The following LRRTM4 variants were observed in gnomAD, a reference collection of about 807,000 sequenced individuals.
LRRTM4 encodes the protein leucine-rich repeat transmembrane neuronal protein 4.
In LRRTM4, 25 loss-of-function variants were observed where a neutral mutation model predicts 47.6. The observed-to-expected ratio is 0.53, with a 90% CI of 0.38 to 0.73. LRRTM4 has a LOEUF of 0.73. LRRTM4 is among the 30% of genes least tolerant of loss of function. LRRTM4 has a pLI of 0.00. For missense variants in LRRTM4, 638 were observed against 713.4 expected, an observed-to-expected ratio of 0.89 and a Z score of 1.20; for synonymous variants, 311 against 269.5, an observed-to-expected ratio of 1.15 and a Z score of -1.51.
intron 3 of LRRTM4, among the ~76,000 whole-genome samples, chr2:76,968,930 A>C (rs1025486362): frequency 1.3e-5 from 2 of 151,850 alleles, no homozygotes; most frequent in African/African-American, 4.8e-5. Flanking sequence ...GTCAGTGCCT[A>C]GGGATTTGTC....
chr2:77,472,349 C>T (rs1322589090), intron 3 of LRRTM4, among the ~76,000 whole-genome samples: 1 of 152,078 alleles, frequency 6.6e-6, no homozygotes, highest in Non-Finnish European at 1.5e-5. Context: ...AACAGAAACA[C>T]ATGGAAAGAA....
chr2:76,983,028 GAC>G (rs1676666617), intron 3 of LRRTM4, among the ~76,000 whole-genome samples: 2 of 151,362 alleles, frequency 1.3e-5, no homozygotes, highest in Non-Finnish European at 1.5e-5. Context: ...ATTAAATAAA[GAC>G]ACATATTAAA....
intron 3 of LRRTM4, among the ~76,000 whole-genome samples, chr2:76,979,157 A>C (rs957561696): frequency 6.6e-6 from 1 of 152,038 alleles, no homozygotes; most frequent in Admixed American, 6.6e-5. Context: ...ATTATCAGAC[A>C]TGCATAGGAT....
Position 77,519,953 on chromosome 2 carries a change from A to C in LRRTM4, c.5-89T>G. 1 of 1,456,116 alleles carries C rather than the reference A, an allele frequency of 6.9e-7. No homozygotes were observed. Among genetic ancestry groups the C allele is most frequent in the Non-Finnish European group, 9.0e-7 (1 of 1,106,332 alleles). The allele number at this position is 1,456,116 out of a possible 1,614,324, so 90.2% of individuals were successfully genotyped here. ...TACCAACAACAGGGGCATTTCCTCT[A>C]GTGTAGGAATGGGACAGTTGATTTA... On this transcript the variant is annotated intron_variant, in intron 2 of 3. Transcript: ENST00000409884. This position sits in a 1 kb window ranked among gnomAD's most constrained non-coding sequence, Gnocchi z 4.6.
intron 3 of LRRTM4, among the ~76,000 whole-genome samples, chr2:77,459,630 A>G (rs770023209): frequency 3.9e-5 from 6 of 152,042 alleles, no homozygotes; most frequent in Non-Finnish European, 8.8e-5. Flanking sequence ...TATGTTAAAC[A>G]TATCTAATGT....
intron 3 of LRRTM4, among the ~76,000 whole-genome samples, chr2:76,882,202 T>G (rs10205761): frequency 0.014 from 2,149 of 152,230 alleles, 51 homozygotes; most frequent in African/African-American, 0.05. Context: ...ATATTAATAT[T>G]TTCTGTTTGG....
intron 3 of LRRTM4, among the ~76,000 whole-genome samples, chr2:77,078,894 T>C (rs748045720): frequency 1.3e-5 from 2 of 152,302 alleles, no homozygotes; most frequent in Middle Eastern, 6.8e-3. Context: ...ATCCAGACAC[T>C]GACAGATTCT....
At chr2:76,957,259 G>A (rs182643552) in intron 3 of LRRTM4, among the ~76,000 whole-genome samples, 243 of 151,694 alleles carry the variant, frequency 1.6e-3, no homozygotes, top group African/African-American at 5.6e-3. Context: ...GTCTGAAACA[G>A]GGCAAAATGG....
intron 3 of LRRTM4, among the ~76,000 whole-genome samples, chr2:77,130,807 G>T (rs1447522076): frequency 7.4e-6 from 1 of 135,582 alleles, no homozygotes; most frequent in Non-Finnish European, 1.6e-5. Context: ...CACCGTGCCC[G>T]GCCAATTATT....
chr2:76,982,337 G>A (rs939593014), intron 3 of LRRTM4, among the ~76,000 whole-genome samples: 2 of 151,914 alleles, frequency 1.3e-5, no homozygotes, highest in Admixed American at 6.6e-5. Context: ...TGACAATGCC[G>A]GTGATGCAAA....
chr2:76,872,832 T>C (rs1672664432), intron 3 of LRRTM4, among the ~76,000 whole-genome samples: 1 of 152,098 alleles, frequency 6.6e-6, no homozygotes, highest in Non-Finnish European at 1.5e-5. Context: ...ATTGCTCTAC[T>C]AGTTCCTGCA....
intron 3 of LRRTM4, among the ~76,000 whole-genome samples, chr2:76,788,501 T>C (rs550077501): frequency 6.6e-6 from 1 of 151,918 alleles, no homozygotes; most frequent in African/African-American, 2.4e-5. Context: ...AGTGTAATGC[T>C]CTCTATTTAA....
At chr2:77,085,695 G>T (rs1558571060) in intron 3 of LRRTM4, among the ~76,000 whole-genome samples, 1 of 152,052 alleles carries the variant, frequency 6.6e-6, no homozygotes, top group African/African-American at 2.4e-5. Flanking sequence ...CAGAACAATC[G>T]AATCATTGTC....
At chr2:77,314,415 G>C (rs1215994866) in intron 3 of LRRTM4, among the ~76,000 whole-genome samples, 1 of 152,140 alleles carries the variant, frequency 6.6e-6, no homozygotes, top group African/African-American at 2.4e-5. Context: ...GCACTGTTCA[G>C]ATCTTGATTT....
intron 3 of LRRTM4, among the ~76,000 whole-genome samples, chr2:76,933,904 C>T (rs1558747221): frequency 6.6e-6 from 1 of 152,112 alleles, no homozygotes; most frequent in Non-Finnish European, 1.5e-5. Flanking sequence ...ACATGCTTTC[C>T]TTCCCCATTT....
chr2:77,321,286 G>T (rs2104226301), intron 3 of LRRTM4, among the ~76,000 whole-genome samples: 1 of 152,066 alleles, frequency 6.6e-6, no homozygotes, highest in Non-Finnish European at 1.5e-5. Context: ...GGATTTTATT[G>T]GTAGAATGCT....
intron 3 of LRRTM4, among the ~76,000 whole-genome samples, chr2:77,299,327 G>A (rs1677063380): frequency 1.3e-5 from 2 of 149,504 alleles, no homozygotes; most frequent in African/African-American, 4.9e-5. Context: ...ATATATGTGT[G>A]TATATATGTA....
At chr2:77,411,326 A>G (rs1674412311) in intron 3 of LRRTM4, among the ~76,000 whole-genome samples, 1 of 152,130 alleles carries the variant, frequency 6.6e-6, no homozygotes, top group South Asian at 2.1e-4. Context: ...ATCTTGCCCC[A>G]GGATAAGGAT....
chr2:77,519,404 G>C lies in LRRTM4; in HGVS notation c.465C>G (p.Gly155=). 6.2e-7 allele frequency: 1 copy of C among 1,613,378 alleles called. No homozygotes were observed. Among genetic ancestry groups the C allele is most frequent in the African/African-American group, 1.3e-5 (1 of 74,992 alleles). Residue 155 remains glycine (G), a synonymous_variant, in exon 3 of 4, where the codon GGC becomes GGG. Transcript: ENST00000409884. The surrounding 1 kb of genome is among the most constrained non-coding windows in gnomAD (Gnocchi z 4.6). Reference sequence around the variant, plus strand: ...AGTGCAAAATGATGAGTTTCCGAAGGCCTTTAAATTGTTCAGATTGCAATG... The same window carrying C: ...AGTGCAAAATGATGAGTTTCCGAAGCCCTTTAAATTGTTCAGATTGCAATG... ...LQTLQSEQFK[G]LRKLIILHLR...
Sources: allele counts gnomAD v4.1 joint callset (sites outside exome capture counted in the v4.1 genomes callset), GRCh38; gene constraint gnomAD v4.1.1; non-coding constraint Gnocchi (gnomAD v3.1); transcripts MANE v1.5; gene names NCBI Gene and HGNC (gene_info 2026-07-23, HGNC 2026-07-21).